Variants in KCNN1 observed in about 807,000 individuals in gnomAD.
KCNN1 encodes the protein small conductance calcium-activated potassium channel protein 1.
KCNN1 carries 20 observed loss-of-function variants against 44.7 expected under a neutral mutation model. The observed-to-expected ratio is 0.45, with a 90% CI of 0.32 to 0.65. The LOEUF is 0.65. KCNN1 is among the 30% of genes least tolerant of loss of function. The pLI is 0.05. For missense variants in KCNN1, 632 were observed against 785.3 expected (o/e 0.80, Z 2.33); for synonymous variants, 324 against 341.7 (o/e 0.95, Z 0.57).
At chr19:17,989,892 G>T in intron 7 of KCNN1, 49 bp downstream of exon 7, 3 of 1,610,618 alleles carry the variant, frequency 1.9e-6, no homozygotes, top group Non-Finnish European at 2.5e-6. Flanking sequence ...ACATGGCGCG[G>T]AGGCAGCCCT....
intron 9 of KCNN1, among the ~76,000 whole-genome samples, chr19:17,996,755 C>G (rs1209250167): frequency 6.6e-6 from 1 of 152,182 alleles, no homozygotes; most frequent in Admixed American, 6.5e-5. Flanking sequence ...GTCAGTGGTG[C>G]TAGGAGGGGA....
Position 17,993,418 on chromosome 19 carries a change from A to AT in KCNN1, c.1308-72_1308-71insT. On this transcript the variant is annotated intron_variant, in intron 8 of 9. Coordinates refer to ENST00000684775, the MANE Select transcript of KCNN1 (RefSeq NM_001386974.1). This position sits in a 1 kb window ranked among gnomAD's most constrained non-coding sequence, Gnocchi z 4.5. ...ATAGGTGACCCCGGGTGGGTGCATGAAAGTCCCTGCCCCCACTGCAGCCTC... is the reference window on the plus strand; with the variant it reads ...ATAGGTGACCCCGGGTGGGTGCATGATAAGTCCCTGCCCCCACTGCAGCCTC... The AT allele has an allele frequency of 8.5e-7, 1 of 1,176,930 alleles. No homozygotes were observed. Among genetic ancestry groups the AT allele is most frequent in the Non-Finnish European group, 1.3e-6 (1 of 799,682 alleles). 72.9% of individuals were successfully genotyped at this position (1,176,930 alleles called of 1,614,324 possible).
At chr19:17,961,492 C>G (rs1342637219) in intron 2 of KCNN1, among the ~76,000 whole-genome samples, 1 of 152,008 alleles carries the variant, frequency 6.6e-6, no homozygotes, top group Non-Finnish European at 1.5e-5. Flanking sequence ...TGGGCGTGAT[C>G]GTGCCACTGC....
In KCNN1 at chr19:17,993,338, T is replaced by C. The variant is rs2032864394; in HGVS notation, c.1308-152T>C. On this transcript the variant is annotated intron_variant, in intron 8 of 9. Coordinates refer to ENST00000684775, the MANE Select transcript of KCNN1 (RefSeq NM_001386974.1). This position sits in a 1 kb window ranked among gnomAD's most constrained non-coding sequence, Gnocchi z 4.5. ...GCACCGGCTGTGTACTGGGAGGGAA[T>C]AGACTACAGGGAATCGGCCTCCCAA... 5.4e-5 allele frequency: 38 copies of C among 698,804 alleles called. 1 individual carries two copies. In the South Asian group the frequency reaches 5.7e-4, roughly 10 times the overall value. 43.3% of individuals were successfully genotyped at this position (698,804 alleles called of 1,614,324 possible).
rs2032852283 is a variant in KCNN1, at chr19:17,993,100, T to G, written c.1307+38T>G. 1.2e-6 allele frequency: 2 copies of G among 1,612,754 alleles called. No individual in the cohort carries two copies. Among genetic ancestry groups the G allele is most frequent in the African/African-American group, 1.3e-5 (1 of 74,794 alleles). On this transcript the variant is annotated intron_variant, in intron 8 of 9. Coordinates refer to ENST00000684775, the MANE Select transcript of KCNN1 (RefSeq NM_001386974.1). The surrounding 1 kb of genome is among the most constrained non-coding windows in gnomAD (Gnocchi z 4.5). ...CCAGGGGCTTGGTGGGGCTGGGAAA[T>G]CGGGGGTGCATGGTGGTCACAGACA...
intron 1 of KCNN1, among the ~76,000 whole-genome samples, chr19:17,970,733 A>G (rs2031989188): frequency 6.6e-6 from 1 of 151,450 alleles, no homozygotes; most frequent in African/African-American, 2.4e-5. Flanking sequence ...GCCACAAAGA[A>G]ATAATTCTTG....
chr19:17,998,635 C>T lies in KCNN1; in HGVS notation c.*229C>T, dbSNP rs2033087568. ...TGGTCACCTGGTCCCCCGACTCTCCCCAGGCCCCCGGTGGGCATGGAGCAG... is the reference window on the plus strand; with the variant it reads ...TGGTCACCTGGTCCCCCGACTCTCCTCAGGCCCCCGGTGGGCATGGAGCAG... On this transcript the variant is annotated 3_prime_UTR_variant, in exon 10 of 10. Transcript: ENST00000684775. This position sits in a 1 kb window ranked among gnomAD's most constrained non-coding sequence, Gnocchi z 5.4. The T allele has an allele frequency of 1.1e-5, 5 of 472,310 alleles. No individual in the cohort carries two copies. Among genetic ancestry groups the T allele is most frequent in the African/African-American group, 2.0e-5 (1 of 49,458 alleles). 29.3% of individuals were successfully genotyped at this position (472,310 alleles called of 1,614,324 possible).
At chr19:17,982,266 G>A in intron 4 of KCNN1, 139 bp downstream of exon 4, 1 of 746,596 alleles carries the variant, frequency 1.3e-6, no homozygotes, top group Admixed American at 3.1e-5. Flanking sequence ...CAAGACACCC[G>A]TGGTGCCTCC....
intron 7 of KCNN1, among the ~76,000 whole-genome samples, chr19:17,992,371 G>A (rs757361587): frequency 4.6e-5 from 7 of 151,886 alleles, no homozygotes; most frequent in African/African-American, 1.2e-4. Flanking sequence ...AGGCTGAGAC[G>A]GGCGGATCAC....
rs762732862 is a variant in KCNN1, at chr19:17,993,023, AT to A, written c.1299-26del. ...GTGCTGAGGTTAAAATTGCCTTGTG[AT>A]TTTTCTCCTGCTCTGCCCGGTCCTG... is the stretch of plus-strand genomic sequence containing the variant. On this transcript the variant is annotated intron_variant, in intron 7 of 9. Transcript: ENST00000684775. This position sits in a 1 kb window ranked among gnomAD's most constrained non-coding sequence, Gnocchi z 4.5. 6.2e-7 allele frequency: 1 copy of A among 1,612,596 alleles called. No homozygotes were observed. The highest frequency in any genetic ancestry group is 1.1e-5 in the South Asian group (1 of 90,844).
chr19:17,993,055 G>A lies in KCNN1; in HGVS notation c.1300G>A (p.Ala434Thr). 2 of 1,613,768 alleles carry A rather than the reference G, an allele frequency of 1.2e-6. No homozygotes were observed. Among genetic ancestry groups the A allele is most frequent in the Non-Finnish European group, 1.7e-6 (2 of 1,179,808 alleles). The change falls in exon 8 of 10, where the codon GCT becomes ACT. Residue 434 changes from alanine to threonine, a missense_variant and splice_region_variant. Ala to Thr is a moderately conservative substitution (Grantham distance 58, BLOSUM62 0). Coordinates refer to ENST00000684775, the MANE Select transcript of KCNN1 (RefSeq NM_001386974.1). This position sits in a 1 kb window ranked among gnomAD's most constrained non-coding sequence, Gnocchi z 4.5. Reference protein sequence around the residue: ...QRKFLQAIHQAQKLRSVKIEQ... With the variant: ...QRKFLQAIHQTQKLRSVKIEQ... ...TCCTGCTCTGCCCGGTCCTGCCAGG[G>A]CTCAGAAGTAAGTGTTCTCCCAGGG... is the stretch of plus-strand genomic sequence containing the variant.
At chr19:17,957,242 A>G (rs1599993206) in intron 2 of KCNN1, among the ~76,000 whole-genome samples, 3 of 78,958 alleles carry the variant, frequency 3.8e-5, no homozygotes, top group Non-Finnish European at 4.9e-5. Flanking sequence ...ATGGTGGGGA[A>G]GGGGAAAGGG....
intron 2 of KCNN1, among the ~76,000 whole-genome samples, chr19:17,961,368 G>C (rs2031673158): frequency 1.3e-5 from 2 of 151,510 alleles, no homozygotes; most frequent in Admixed American, 1.3e-4. Context: ...CTTGAGCCCA[G>C]GAATATGAGA....
upstream of KCNN1, among the ~76,000 whole-genome samples, chr19:17,966,959 T>A (rs1412552704): frequency 4.8e-5 from 7 of 146,716 alleles, no homozygotes; most frequent in Non-Finnish European, 1.1e-4. Flanking sequence ...ACCAGCCGCA[T>A]GCCGGGGGGT....
intron 3 of KCNN1, among the ~76,000 whole-genome samples, chr19:17,979,256 AC>A (rs1225601238): frequency 6.7e-6 from 1 of 150,368 alleles, no homozygotes; most frequent in African/African-American, 2.5e-5. Context: ...ACACGGTGAA[AC>A]CCCGTCTCTA....
intron 5 of KCNN1, among the ~76,000 whole-genome samples, chr19:17,986,659 G>A (rs2032607741): frequency 6.6e-6 from 1 of 152,106 alleles, no homozygotes; most frequent in African/African-American, 2.4e-5. Context: ...GCTTTTCCAT[G>A]TTTTATTTTT....
Position 17,981,856 on chromosome 19 carries a change from A to T in KCNN1, c.646A>T (p.Thr216Ser), listed in dbSNP as rs1320237652. 1 of 1,612,556 alleles carries T rather than the reference A, an allele frequency of 6.2e-7. No individual in the cohort carries two copies. The highest frequency in any genetic ancestry group is 8.5e-7 in the Non-Finnish European group (1 of 1,179,250). Residue 216 changes from threonine to serine, a missense_variant, in exon 4 of 10, where the codon ACG (threonine) becomes TCG (serine). Thr to Ser is a moderately conservative substitution (Grantham distance 58). Coordinates refer to ENST00000684775, the MANE Select transcript of KCNN1 (RefSeq NM_001386974.1). ...RFTWTARLAF[T>S]YAPSVAEADV... ...CACGTGGACGGCGCGGCTGGCCTTC[A>T]CGTACGCGCCCTCGGTGGCCGAGGC...
chr19:17,985,528 C>A, intron 5 of KCNN1, 75 bp downstream of exon 5: 4 of 1,384,658 alleles, frequency 2.9e-6, no homozygotes, highest in Non-Finnish European at 3.9e-6. Context: ...TTGCATACCC[C>A]TTGCTGACAG....
At chr19:17,963,121 C>A (rs138152197), upstream of KCNN1, among the ~76,000 whole-genome samples, 1,215 of 150,412 alleles carry the variant, frequency 8.1e-3, 16 homozygotes, top group Non-Finnish European at 0.01. Context: ...CATTCTCCTG[C>A]CTCAGCCGCC....
Sources: allele counts gnomAD v4.1 joint callset (sites outside exome capture counted in the v4.1 genomes callset), GRCh38; gene constraint gnomAD v4.1.1; non-coding constraint Gnocchi (gnomAD v3.1); transcripts MANE v1.5; gene names NCBI Gene and HGNC (gene_info 2026-07-23, HGNC 2026-07-21).